Variants in GLIS3 observed in about 807,000 individuals in gnomAD.
GLIS3 encodes zinc finger protein GLIS3.
GLIS3 carries 53 observed loss-of-function variants against 78.6 expected under a neutral mutation model. The ratio of observed to expected loss-of-function variants is 0.67; its 90% CI spans 0.54 to 0.85. The LOEUF (loss-of-function observed/expected upper bound fraction) is 0.85. Among genes scored for constraint, GLIS3 ranks in the 40% least tolerant of loss-of-function variants. The probability of loss-of-function intolerance (pLI) is 0.00; values close to 1 mark genes in which losing one functional copy is unlikely to be tolerated. For missense variants in GLIS3, 1,703 were observed against 1,231.1 expected (o/e 1.38, Z -5.74); for synonymous variants, 684 against 509.9 (o/e 1.34, Z -4.60).
the GLIS3 span, among the ~76,000 whole-genome samples, chr9:4,395,171 C>T: frequency 6.6e-6 from 1 of 151,980 alleles, no homozygotes; most frequent in East Asian, 1.9e-4. Flanking sequence ...CAAATTGGGC[C>T]CATGAATTTA....
intron 4 of GLIS3, among the ~76,000 whole-genome samples, chr9:3,942,906 C>G (rs1816036305): frequency 1.3e-5 from 2 of 151,020 alleles, no homozygotes. Flanking sequence ...AACTAGAAAA[C>G]AAAAGAAGAA....
intron 4 of GLIS3, among the ~76,000 whole-genome samples, chr9:4,048,486 GA>G (rs1039373387): frequency 2.6e-5 from 4 of 151,108 alleles, no homozygotes; most frequent in African/African-American, 7.3e-5. Flanking sequence ...CTCATAAATA[GA>G]AAAAAAAAGT....
chr9:4,343,652 T>G (rs1340096387), intron 2 of GLIS3, among the ~76,000 whole-genome samples: 1 of 152,074 alleles, frequency 6.6e-6, no homozygotes, highest in Non-Finnish European at 1.5e-5. Context: ...AATAAAGACA[T>G]GGAATCAACC....
At chr9:4,383,286 AT>A in the GLIS3 span, among the ~76,000 whole-genome samples, 1 of 152,200 alleles carries the variant, frequency 6.6e-6, no homozygotes, top group African/African-American at 2.4e-5. Context: ...ACCAGATTGC[AT>A]TTTTTATTCA....
chr9:4,465,340 G>A, the GLIS3 span, among the ~76,000 whole-genome samples: 1 of 152,248 alleles, frequency 6.6e-6, no homozygotes, highest in African/African-American at 2.4e-5. Flanking sequence ...CAGAGGTCGG[G>A]AGTTCGAGAC....
intron 2 of GLIS3, among the ~76,000 whole-genome samples, chr9:4,259,686 G>A (rs569205791): frequency 6.6e-6 from 1 of 152,256 alleles, no homozygotes; most frequent in South Asian, 2.1e-4. Flanking sequence ...GCTTAACCTA[G>A]CGAAGGAGGC....
chr9:4,397,260 C>T, the GLIS3 span, among the ~76,000 whole-genome samples: 3 of 147,890 alleles, frequency 2.0e-5, no homozygotes, highest in African/African-American at 5.1e-5. Flanking sequence ...CTCCTGACCT[C>T]GTGATCCGCC....
At chr9:4,424,768 C>T in the GLIS3 span, among the ~76,000 whole-genome samples, 7 of 151,836 alleles carry the variant, frequency 4.6e-5, no homozygotes, top group Non-Finnish European at 8.8e-5. Flanking sequence ...CGGGATTTTG[C>T]CATGTTGCCC....
At chr9:4,398,384 C>T in the GLIS3 span, among the ~76,000 whole-genome samples, 3 of 152,152 alleles carry the variant, frequency 2.0e-5, no homozygotes, top group South Asian at 6.2e-4. Context: ...TCAGAATCTG[C>T]AATTTAAACA....
chr9:4,440,616 C>G, the GLIS3 span, among the ~76,000 whole-genome samples: 1 of 152,006 alleles, frequency 6.6e-6, no homozygotes, highest in Admixed American at 6.6e-5. Flanking sequence ...CAGCTTTGTT[C>G]TTTTTGGTCA....
chr9:3,937,553 T>C (rs959930737), intron 4 of GLIS3, among the ~76,000 whole-genome samples: 4 of 151,974 alleles, frequency 2.6e-5, no homozygotes, highest in African/African-American at 7.3e-5. Context: ...TTGGTCTAAA[T>C]TGAAGGAACT....
At chr9:4,261,273 A>C (rs752010988) in intron 2 of GLIS3, among the ~76,000 whole-genome samples, 4 of 152,194 alleles carry the variant, frequency 2.6e-5, no homozygotes, top group Non-Finnish European at 5.9e-5. Context: ...CAATGTGAGC[A>C]GCTCTTTCCT....
chr9:4,233,211 T>C (rs1822427406), intron 2 of GLIS3, among the ~76,000 whole-genome samples: 1 of 152,234 alleles, frequency 6.6e-6, no homozygotes, highest in Non-Finnish European at 1.5e-5. Flanking sequence ...TGGTTAGCTA[T>C]TGCTTCTCTT....
the GLIS3 span, among the ~76,000 whole-genome samples, chr9:4,367,664 CTA>C: frequency 1.4e-5 from 2 of 137,938 alleles, no homozygotes; most frequent in Admixed American, 7.3e-5. Flanking sequence ...AAAAAGTTCT[CTA>C]TGTGAGCAGA....
intron 2 of GLIS3, among the ~76,000 whole-genome samples, chr9:4,241,454 G>C (rs946825897): frequency 5.3e-5 from 8 of 152,038 alleles, no homozygotes; most frequent in African/African-American, 1.4e-4. Flanking sequence ...AGCTAGAAGA[G>C]AATAATTCAA....
At chr9:4,406,313 C>G in the GLIS3 span, among the ~76,000 whole-genome samples, 1 of 152,120 alleles carries the variant, frequency 6.6e-6, no homozygotes, top group South Asian at 2.1e-4. Flanking sequence ...GCAGATGATA[C>G]ATTGTTCTTT....
At chr9:4,014,674 T>C (rs1352307792) in intron 4 of GLIS3, among the ~76,000 whole-genome samples, 1 of 152,216 alleles carries the variant, frequency 6.6e-6, no homozygotes, top group African/African-American at 2.4e-5. Flanking sequence ...ACTTCTAGCC[T>C]GTGAACTGAA....
At position 4,331,803 on chromosome 9, in the gene GLIS3, G is replaced by T. The variant is rs74409461; in HGVS notation, n.264+15278C>A. On this transcript the variant is annotated intron_variant and non_coding_transcript_variant, in intron 2 of 4. Transcript: ENST00000471664. ...AATAACCAGATGAACATCTGGGTGG[G>T]AAGAGAGACATTGGGAGTGGTTCAG... Among the ~76,000 whole-genome samples, 298 of 152,316 alleles carry T rather than the reference G, an allele frequency of 2.0e-3. 2 individuals are homozygous for T. The highest frequency in any genetic ancestry group is 6.8e-3 in the African/African-American group (284 of 41,560).
chr9:4,456,779 A>C, the GLIS3 span, among the ~76,000 whole-genome samples: 2 of 152,324 alleles, frequency 1.3e-5, no homozygotes, highest in South Asian at 4.1e-4. Flanking sequence ...GAGGAGAGGG[A>C]AAAAATGGAG....
Sources: allele counts gnomAD v4.1 joint callset (sites outside exome capture counted in the v4.1 genomes callset), GRCh38; gene constraint gnomAD v4.1.1; transcripts MANE v1.5; gene names NCBI Gene and HGNC (gene_info 2026-07-23, HGNC 2026-07-21).